Variants in STX17 observed in about 807,000 individuals in gnomAD.
STX17 encodes syntaxin-17.
In STX17, 29 loss-of-function variants were observed where a neutral mutation model predicts 35.9. That is an observed-to-expected ratio of 0.81 (90% CI 0.60 to 1.10). STX17 has a LOEUF of 1.10. STX17 is among the 50% of genes least tolerant of loss of function. The probability of loss-of-function intolerance (pLI) is 0.00; values close to 1 mark genes in which losing one functional copy is unlikely to be tolerated. For missense variants in STX17, 312 were observed against 352.3 expected (o/e 0.89, Z 0.92); for synonymous variants, 92 against 118.3 (o/e 0.78, Z 1.44).
intron 6 of STX17, chr9:99,967,381 A>G (rs1398315556): frequency 7.8e-6 from 2 of 257,042 alleles, no homozygotes; most frequent in Non-Finnish European, 1.5e-5. Flanking sequence ...TTGGAGAATA[A>G]TATGTTTGTA....
intron 2 of STX17, among the ~76,000 whole-genome samples, chr9:99,920,634 G>T (rs1828867904): frequency 6.6e-6 from 1 of 152,258 alleles, no homozygotes; most frequent in East Asian, 1.9e-4. Flanking sequence ...TACCTCTCTA[G>T]TGCCACCATG....
At chr9:99,964,578 A>T (rs529096284) in intron 6 of STX17, among the ~76,000 whole-genome samples, 1 of 152,290 alleles carries the variant, frequency 6.6e-6, no homozygotes, top group African/African-American at 2.4e-5. Flanking sequence ...AGATTGTCAA[A>T]TGTGGGAGGC....
chr9:99,923,104 T>G (rs563004468), intron 2 of STX17, among the ~76,000 whole-genome samples: 123 of 152,294 alleles, frequency 8.1e-4, no homozygotes, highest in Middle Eastern at 3.4e-3. Context: ...TTCTTTTCTC[T>G]CTTTCCTTTC....
At chr9:99,907,753 A>G (rs1206731685) in intron 1 of STX17, among the ~76,000 whole-genome samples, 1 of 152,218 alleles carries the variant, frequency 6.6e-6, no homozygotes, top group African/African-American at 2.4e-5. Flanking sequence ...TTTACATACC[A>G]TAGCGCAATT....
chr9:99,969,668 T>G lies in STX17; in HGVS notation c.*995T>G, dbSNP rs992250678. On this transcript the variant is annotated 3_prime_UTR_variant, in exon 8 of 8. Coordinates refer to ENST00000259400, the MANE Select transcript of STX17 (RefSeq NM_017919.3). ...CATGTTCCAGTTTTGAGGGGTGATATATCTGCCAGATAGGGGGTATCTGAC... is the reference window on the plus strand; with the variant it reads ...CATGTTCCAGTTTTGAGGGGTGATAGATCTGCCAGATAGGGGGTATCTGAC... 1 of 152,432 alleles carries G rather than the reference T, an allele frequency of 6.6e-6. No individual in the cohort carries two copies. Among genetic ancestry groups the G allele is most frequent in the Non-Finnish European group, 1.5e-5 (1 of 68,016 alleles). The allele number at this position is 152,432 out of a possible 1,614,324, so 9.4% of individuals were successfully genotyped here.
Position 99,968,739 on chromosome 9 carries a change from C to T in STX17, c.*66C>T. 6.4e-7 allele frequency: 1 copy of T among 1,558,302 alleles called. No individual in the cohort carries two copies. The highest frequency in any genetic ancestry group is 8.7e-7 in the Non-Finnish European group (1 of 1,153,066). On this transcript the variant is annotated 3_prime_UTR_variant, in exon 8 of 8. Transcript: ENST00000259400. The stretch of plus-strand genomic sequence containing the variant: ...TGAGGACCTTTGCTGCTGTTGGACA[C>T]TCCGTCACCTTTTGGAACACAAGTA...
chr9:99,920,041 C>T (rs142224636), intron 2 of STX17, among the ~76,000 whole-genome samples: 5 of 152,148 alleles, frequency 3.3e-5, no homozygotes, highest in Non-Finnish European at 7.4e-5. Context: ...AATCACCTTT[C>T]CCAACCTCGT....
intron 3 of STX17, among the ~76,000 whole-genome samples, chr9:99,946,230 A>AT (rs1829479340): frequency 6.6e-6 from 1 of 152,168 alleles, no homozygotes; most frequent in African/African-American, 2.4e-5. Flanking sequence ...TCTAGCGATA[A>AT]AGTATACAGG....
At chr9:99,925,067 CT>C (rs1438246682) in intron 2 of STX17, among the ~76,000 whole-genome samples, 1 of 152,082 alleles carries the variant, frequency 6.6e-6, no homozygotes, top group African/African-American at 2.4e-5. Context: ...TCTTTTCCCT[CT>C]TTCTTTTGGA....
chr9:99,974,137 A>T lies in STX17; in HGVS notation c.*5464A>T, dbSNP rs1830062829. ...CCTTCAAAACAATGTCAGTGTTGTCACCTGTGCATTTGATAGCCACAGCAC... is the reference window on the plus strand; with the variant it reads ...CCTTCAAAACAATGTCAGTGTTGTCTCCTGTGCATTTGATAGCCACAGCAC... On this transcript the variant is annotated 3_prime_UTR_variant, in exon 8 of 8. Coordinates refer to ENST00000259400, the MANE Select transcript of STX17 (RefSeq NM_017919.3). Among the ~76,000 whole-genome samples, 1 of 152,200 alleles carries T rather than the reference A, an allele frequency of 6.6e-6. No individual in the cohort carries two copies. The highest frequency in any genetic ancestry group is 2.4e-5 in the African/African-American group (1 of 41,456).
chr9:99,933,462 G>A (rs751298528), intron 3 of STX17, among the ~76,000 whole-genome samples: 11 of 152,140 alleles, frequency 7.2e-5, no homozygotes, highest in Non-Finnish European at 1.6e-4. Context: ...TCCATACACA[G>A]TCTTGTTGGG....
chr9:99,966,971 CCAGCA>C (rs1829924974), intron 6 of STX17, among the ~76,000 whole-genome samples: 1 of 152,120 alleles, frequency 6.6e-6, no homozygotes, highest in African/African-American at 2.4e-5. Context: ...TGCTGTTGTG[CCAGCA>C]CAGGTGTTGC....
At chr9:99,948,640 G>A (rs1314795863) in intron 3 of STX17, among the ~76,000 whole-genome samples, 3 of 152,068 alleles carry the variant, frequency 2.0e-5, no homozygotes, top group Non-Finnish European at 2.9e-5. Flanking sequence ...GATAAAAGAC[G>A]TAAAGCTGTT....
chr9:99,913,845 A>G (rs1828705736), intron 1 of STX17: 1 of 152,250 alleles, frequency 6.6e-6, no homozygotes, highest in South Asian at 2.1e-4. Flanking sequence ...TATAACCAAC[A>G]CATCAAGATT....
chr9:99,929,735 A>C (rs1829073070), intron 3 of STX17: 1 of 151,474 alleles, frequency 6.6e-6, no homozygotes, highest in African/African-American at 2.4e-5. Flanking sequence ...TTGATTATGG[A>C]GATATTGTTT....
chr9:99,909,799 A>G (rs1828623256), intron 1 of STX17, among the ~76,000 whole-genome samples: 3 of 152,256 alleles, frequency 2.0e-5, no homozygotes, highest in Non-Finnish European at 2.9e-5. Flanking sequence ...CAACACAAAG[A>G]ATAAATGCTT....
At chr9:99,926,353 T>C (rs1261719515) in intron 2 of STX17, among the ~76,000 whole-genome samples, 2 of 152,208 alleles carry the variant, frequency 1.3e-5, no homozygotes, top group African/African-American at 4.8e-5. Context: ...GTTATTCTGC[T>C]TTTTTGCATG....
intron 2 of STX17, among the ~76,000 whole-genome samples, chr9:99,925,623 A>G (rs1369562431): frequency 6.6e-6 from 1 of 152,028 alleles, no homozygotes; most frequent in African/African-American, 2.4e-5. Flanking sequence ...TTCTCTGGGG[A>G]TAGAATTCTA....
Position 99,936,461 on chromosome 9 carries a change from A to T in STX17, c.189+7618A>T, listed in dbSNP as rs1829236404. Among the ~76,000 whole-genome samples, 7 of 152,118 alleles carry T rather than the reference A, an allele frequency of 4.6e-5. No individual in the cohort carries two copies. The South Asian group carries it at 1.4e-3, about 31-fold the overall frequency. On this transcript the variant is annotated intron_variant, in intron 3 of 7. Coordinates refer to ENST00000259400, the MANE Select transcript of STX17 (RefSeq NM_017919.3). Reference sequence around the variant, plus strand: ...TAATGATGTTTCTGTTTTCTTTTGAATTTTGAATTTTAATAAATTAAAAAC... The same window carrying T: ...TAATGATGTTTCTGTTTTCTTTTGATTTTTGAATTTTAATAAATTAAAAAC...
Sources: gnomAD v4.1 joint callset for allele counts (sites outside exome capture counted in the v4.1 genomes callset) on GRCh38, gnomAD v4.1.1 for gene constraint, MANE v1.5 for transcripts, NCBI Gene and HGNC (gene_info 2026-07-23, HGNC 2026-07-21) for gene names.